Variants in SIPA1L1 observed in about 807,000 individuals in gnomAD.
The protein encoded by SIPA1L1 is signal induced proliferation associated 1 like 1.
Under a neutral mutation model 162.7 loss-of-function variants are expected in SIPA1L1, and 26 were observed. That is an observed-to-expected ratio of 0.16 (90% CI 0.12 to 0.22). The LOEUF is 0.22. Among genes scored for constraint, SIPA1L1 ranks in the 10% least tolerant of loss-of-function variants. The probability of loss-of-function intolerance (pLI) is 1.00; values close to 1 mark genes in which losing one functional copy is unlikely to be tolerated. For synonymous variants in SIPA1L1, 829 were observed against 837.4 expected (o/e 0.99, Z 0.17); for missense variants, 1,874 against 2,241.0 (o/e 0.84, Z 3.31).
At chr14:71,738,031 C>T (rs1038567259) in intron 22 of SIPA1L1, among the ~76,000 whole-genome samples, 2 of 152,134 alleles carry the variant, frequency 1.3e-5, no homozygotes, top group African/African-American at 4.8e-5. Context: ...TATTGATTGG[C>T]TGCAGTTCAA....
chr14:71,659,305 T>A (rs1413483298), intron 9 of SIPA1L1, among the ~76,000 whole-genome samples: 1 of 152,164 alleles, frequency 6.6e-6, no homozygotes, highest in African/African-American at 2.4e-5. Context: ...ATGAATCACA[T>A]CCTCTTTCAC....
chr14:71,505,874 A>G (rs1182941163), intron 2 of SIPA1L1, among the ~76,000 whole-genome samples: 1 of 152,068 alleles, frequency 6.6e-6, no homozygotes, highest in Non-Finnish European at 1.5e-5. Flanking sequence ...GGCTATGTGT[A>G]TAAGGTGTAT....
At chr14:71,421,691 C>T (rs2043197486) in intron 2 of SIPA1L1, among the ~76,000 whole-genome samples, 1 of 152,150 alleles carries the variant, frequency 6.6e-6, no homozygotes, top group Admixed American at 6.5e-5. Context: ...CTCCTTGACT[C>T]CCTCCCTCCC....
intron 2 of SIPA1L1, among the ~76,000 whole-genome samples, chr14:71,441,183 T>C (rs2044823897): frequency 6.6e-6 from 1 of 152,216 alleles, no homozygotes; most frequent in Admixed American, 6.5e-5. Flanking sequence ...GTTTGAATAA[T>C]GGAATTTCTG....
chr14:71,599,147 CTTTTT>C (rs35037397), intron 5 of SIPA1L1, among the ~76,000 whole-genome samples: 1 of 106,200 alleles, frequency 9.4e-6, no homozygotes, highest in Non-Finnish European at 1.8e-5. Context: ...TGATTTCATT[CTTTTT>C]TTTTTTTTTT....
At chr14:71,433,951 G>T (rs2044190199) in intron 2 of SIPA1L1, among the ~76,000 whole-genome samples, 1 of 152,186 alleles carries the variant, frequency 6.6e-6, no homozygotes, top group Non-Finnish European at 1.5e-5. Flanking sequence ...TATTTAAAAT[G>T]CCTCTCTATT....
chr14:71,332,893 G>A (rs866441823), intron 2 of SIPA1L1, among the ~76,000 whole-genome samples: 1 of 152,130 alleles, frequency 6.6e-6, no homozygotes, highest in South Asian at 2.1e-4. Flanking sequence ...CTATGATTTA[G>A]TAAGATTTAG....
intron 2 of SIPA1L1, among the ~76,000 whole-genome samples, chr14:71,407,555 G>T (rs2042114781): frequency 6.8e-6 from 1 of 147,228 alleles, no homozygotes; most frequent in South Asian, 2.3e-4. Flanking sequence ...TGCCCAGTTG[G>T]GAGTGTAGCG....
At chr14:71,403,007 G>A (rs2041788271) in intron 2 of SIPA1L1, among the ~76,000 whole-genome samples, 1 of 152,072 alleles carries the variant, frequency 6.6e-6, no homozygotes, top group Admixed American at 6.6e-5. Flanking sequence ...AAAGATGCAC[G>A]TTTTTGAGAG....
chr14:71,718,557 G>C (rs1235675296), intron 17 of SIPA1L1, among the ~76,000 whole-genome samples: 1 of 152,198 alleles, frequency 6.6e-6, no homozygotes, highest in Non-Finnish European at 1.5e-5. Flanking sequence ...GGCTAAGGTG[G>C]AAGGATCGCT....
chr14:71,487,221 T>A (rs918029779), intron 2 of SIPA1L1, among the ~76,000 whole-genome samples: 1 of 152,160 alleles, frequency 6.6e-6, no homozygotes, highest in Non-Finnish European at 1.5e-5. Flanking sequence ...TTCCCTCCCC[T>A]CCCCATCACC....
intron 2 of SIPA1L1, among the ~76,000 whole-genome samples, chr14:71,433,650 A>G (rs1380874076): frequency 6.6e-6 from 1 of 152,040 alleles, no homozygotes; most frequent in Non-Finnish European, 1.5e-5. Context: ...GCTGTCCATG[A>G]GTTTTTTTTT....
chr14:71,632,153 AACCTTG>A (rs1463139461), intron 7 of SIPA1L1, among the ~76,000 whole-genome samples: 1 of 152,234 alleles, frequency 6.6e-6, no homozygotes, highest in East Asian at 1.9e-4. Context: ...TACAGCCAAC[AACCTTG>A]GACACATATA....
chr14:71,582,455 A>G (rs1375190906), intron 4 of SIPA1L1, among the ~76,000 whole-genome samples: 2 of 152,132 alleles, frequency 1.3e-5, no homozygotes, highest in Admixed American at 1.3e-4. Flanking sequence ...CTTCAGCTAT[A>G]CAAACTATAT....
intron 2 of SIPA1L1, among the ~76,000 whole-genome samples, chr14:71,383,703 G>A (rs2040092458): frequency 6.6e-6 from 1 of 152,038 alleles, no homozygotes; most frequent in Admixed American, 6.5e-5. Context: ...ACAGAGGAGG[G>A]AGGTGCCACA....
intron 2 of SIPA1L1, among the ~76,000 whole-genome samples, chr14:71,493,803 A>G (rs184244130): frequency 1.3e-5 from 2 of 152,376 alleles, no homozygotes; most frequent in East Asian, 3.9e-4. Context: ...ATATTTTATG[A>G]ATAAATTTTA....
chr14:71,438,250 A>G (rs1390211408), intron 2 of SIPA1L1, among the ~76,000 whole-genome samples: 1 of 152,122 alleles, frequency 6.6e-6, no homozygotes, highest in East Asian at 1.9e-4. Flanking sequence ...ATCATCACCC[A>G]CATTTCACCC....
At chr14:71,586,225 AT>A (rs531384892) in intron 4 of SIPA1L1, 28,574 of 140,516 alleles carry the variant, frequency 0.2, 2,610 homozygotes, top group East Asian at 0.27. Context: ...GGCAGCATGC[AT>A]TTTTTTTTTT....
intron 14 of SIPA1L1, among the ~76,000 whole-genome samples, chr14:71,700,611 A>G (rs2082010042): frequency 6.6e-6 from 1 of 152,198 alleles, no homozygotes; most frequent in African/African-American, 2.4e-5. Context: ...GTGCTACATC[A>G]GTATGTGAGA....
Sources: allele counts gnomAD v4.1 joint callset (sites outside exome capture counted in the v4.1 genomes callset), GRCh38; gene constraint gnomAD v4.1.1; transcripts MANE v1.5; gene names NCBI Gene and HGNC (gene_info 2026-07-23, HGNC 2026-07-21).